Variants in ZNF268 observed in about 807,000 individuals in gnomAD.
ZNF268 encodes zinc finger protein 268.
ZNF268 carries 20 observed loss-of-function variants against 29.3 expected under a neutral mutation model. The observed-to-expected ratio is 0.68, with a 90% confidence interval of 0.48 to 0.99. The LOEUF (loss-of-function observed/expected upper bound fraction) is 0.99, where lower values mean the gene tolerates loss of function less well. ZNF268 is among the 50% of genes least tolerant of loss of function. The pLI, the probability that ZNF268 is intolerant of heterozygous loss-of-function variation, is 0.00. For missense variants in ZNF268, 1,240 were observed against 1,121.6 expected (o/e 1.11, Z -1.51); for synonymous variants, 429 against 376.9 (o/e 1.14, Z -1.60).
chr12:133,194,348 G>T (rs1012401850), intron 5 of ZNF268, among the ~76,000 whole-genome samples: 1 of 152,100 alleles, frequency 6.6e-6, no homozygotes, highest in Non-Finnish European at 1.5e-5. Context: ...TCCTGAAGTG[G>T]GGCAGCTCCA....
intron 2 of ZNF268, among the ~76,000 whole-genome samples, chr12:133,185,804 G>T (rs541688258): frequency 5.3e-5 from 8 of 152,200 alleles, no homozygotes; most frequent in Non-Finnish European, 7.4e-5. Flanking sequence ...ATTTTGTGTA[G>T]TGTGGTAGAA....
chr12:133,200,220 A>G (rs1397728814), intron 5 of ZNF268, among the ~76,000 whole-genome samples: 1 of 152,122 alleles, frequency 6.6e-6, no homozygotes, highest in Non-Finnish European at 1.5e-5. Context: ...AGATTCTGGT[A>G]TGTTGTGTCT....
At chr12:133,200,423 T>A (rs1043137317) in intron 5 of ZNF268, among the ~76,000 whole-genome samples, 11 of 152,208 alleles carry the variant, frequency 7.2e-5, no homozygotes, top group Admixed American at 5.9e-4. Context: ...TCTTTTACAT[T>A]TGCTGAGGAG....
chr12:133,188,148 T>G, intron 3 of ZNF268, 76 bp downstream of exon 3: 6 of 1,327,608 alleles, frequency 4.5e-6, no homozygotes, highest in African/African-American at 1.5e-5. Flanking sequence ...GGGATGGAGA[T>G]CCTTAGGTCA....
rs938267912 is a variant in ZNF268 at position 133,188,250 on chromosome 12, G to T, written c.234+178G>T. On this transcript the variant is annotated intron_variant, in intron 3 of 5. Coordinates refer to ENST00000536435, the MANE Select transcript of ZNF268 (RefSeq NM_003415.3). ...CTTGGTCTGTTGCCCAGAGTGGAGC[G>T]CAGTGGTGCAATCATAACTCACTGC... 1.3e-5 allele frequency: 8 copies of T among 601,176 alleles called. No individual in the cohort carries two copies. The South Asian group carries it at 1.7e-4, about 13-fold the overall frequency. 37.2% of individuals were successfully genotyped at this position (601,176 alleles called of 1,614,324 possible). A position where few individuals can be genotyped will look rare whatever the true frequency, so the allele number is the denominator to read the frequency against.
chr12:133,198,422 T>G (rs1289071684), intron 5 of ZNF268, among the ~76,000 whole-genome samples: 4 of 149,638 alleles, frequency 2.7e-5, no homozygotes, highest in African/African-American at 4.9e-5. Context: ...GTACCATGCT[T>G]TTTTGGTTAC....
rs1957024133 is a variant in ZNF268 at position 133,214,146 on chromosome 12, A to G, written c.*9616A>G. The G allele has an allele frequency of 6.6e-6, 1 of 152,214 alleles. No homozygotes were observed. The highest frequency in any genetic ancestry group is 2.1e-4 in the South Asian group (1 of 4,832). The allele number at this position is 152,214 out of a possible 1,614,324, so 9.4% of individuals were successfully genotyped here. A position where few individuals can be genotyped will look rare whatever the true frequency, so the allele number is the denominator to read the frequency against. On this transcript the variant is annotated 3_prime_UTR_variant, in exon 6 of 6. Coordinates refer to ENST00000536435, the MANE Select transcript of ZNF268 (RefSeq NM_003415.3). ...GAGGACTTGAAGAGACTTTTCTGTA[A>G]AGAAGATATGCAAATAGCATATGAA...
chr12:133,181,782 T>C, intron 1 of ZNF268, 96 bp downstream of exon 1: 1 of 593,234 alleles, frequency 1.7e-6, no homozygotes, highest in Non-Finnish European at 3.0e-6. Context: ...TGCCTGACCC[T>C]AACCTGTGTG....
chr12:133,203,843 A>G lies in ZNF268; in HGVS notation c.2157A>G (p.Thr719=), dbSNP rs1305537144. Residue 719 remains threonine, a synonymous_variant, in exon 6 of 6, where the codon ACA becomes ACG. Coordinates refer to ENST00000536435, the MANE Select transcript of ZNF268 (RefSeq NM_003415.3). ...TTATTATACATATGAGAACTCATAC[A>G]GGAGAGAAACCACATGAGTGCAGGG... The part of the protein sequence containing the change: ...SYLIIHMRTH[T]GEKPHECREC... 4 of 1,565,206 alleles carry G rather than the reference A, an allele frequency of 2.6e-6. No homozygotes were observed. Among genetic ancestry groups the G allele is most frequent in the South Asian group, 1.2e-5 (1 of 86,874 alleles).
In ZNF268 at chr12:133,203,427, GAGAAGCCTTATGAAT is replaced by G; in HGVS notation, c.1742_1756del (p.Glu581_Cys586delinsGly). 6.5e-7 allele frequency: 1 copy of G among 1,543,822 alleles called. No individual in the cohort carries two copies. Among genetic ancestry groups the G allele is most frequent in the South Asian group, 1.2e-5 (1 of 84,390 alleles). The stretch of plus-strand genomic sequence containing the variant: ...TTCACACCAGAGAACTCATGCAGGA[GAGAAGCCTTATGAAT>G]GCACCGACTGTGGAAAGGCTTTTGG... On this transcript the variant is annotated inframe_deletion, in exon 6 of 6. Transcript: ENST00000536435.
intron 3 of ZNF268, 130 bp downstream of exon 3, chr12:133,188,202 C>A (rs533675513): frequency 4.2e-5 from 37 of 873,728 alleles, no homozygotes; most frequent in East Asian, 4.0e-4. Context: ...AAAACCCCCC[C>A]ACTTTTTTTT....
rs1252168564 is a variant in ZNF268, at chr12:133,207,533, G to C, written c.*3003G>C. On this transcript the variant is annotated 3_prime_UTR_variant, in exon 6 of 6. Coordinates refer to ENST00000536435, the MANE Select transcript of ZNF268 (RefSeq NM_003415.3). ...CTTAAAAAGAGATATATGGGGCCAG[G>C]CACGGTGGCTCACACCTATAATCCC... 1 of 152,194 alleles carries C rather than the reference G, an allele frequency of 6.6e-6. No individual in the cohort carries two copies. The highest frequency in any genetic ancestry group is 1.5e-5 in the Non-Finnish European group (1 of 68,042). 9.4% of individuals were successfully genotyped at this position (152,194 alleles called of 1,614,324 possible). A position where few individuals can be genotyped will look rare whatever the true frequency, so the allele number is the denominator to read the frequency against.
At chr12:133,192,107 CTTTTT>C (rs200581552) in intron 5 of ZNF268, 104 bp downstream of exon 5, 525 of 532,126 alleles carry the variant, frequency 9.9e-4, no homozygotes, top group South Asian at 1.5e-3. Context: ...TTACCATGCA[CTTTTT>C]TTTTTTTTTT....
In ZNF268 at chr12:133,210,664, G is replaced by T. The variant is rs951922884; in HGVS notation, c.*6134G>T. The stretch of plus-strand genomic sequence containing the variant: ...GCCCTCGGGGGTCTCCGGGTCCTGA[G>T]TAGAAGCAAGGTCTGTTTGTCACTG... On this transcript the variant is annotated 3_prime_UTR_variant, in exon 6 of 6. Coordinates refer to ENST00000536435, the MANE Select transcript of ZNF268 (RefSeq NM_003415.3). 2.8e-6 allele frequency: 1 copy of T among 360,472 alleles called. No individual in the cohort carries two copies. The highest frequency in any genetic ancestry group is 3.5e-5 in the Admixed American group (1 of 28,188). The allele number at this position is 360,472 out of a possible 1,614,324, so 22.3% of individuals were successfully genotyped here. A position where few individuals can be genotyped will look rare whatever the true frequency, so the allele number is the denominator to read the frequency against.
intron 5 of ZNF268, among the ~76,000 whole-genome samples, chr12:133,199,989 CATT>C (rs746183450): frequency 3.3e-5 from 5 of 152,136 alleles, no homozygotes; most frequent in Non-Finnish European, 7.4e-5. Flanking sequence ...CTCCTGGATT[CATT>C]AATTTTTTTG....
intron 2 of ZNF268, among the ~76,000 whole-genome samples, chr12:133,184,912 G>C (rs970039602): frequency 6.6e-6 from 1 of 152,188 alleles, no homozygotes; most frequent in African/African-American, 2.4e-5. Flanking sequence ...GGCTGTGTGT[G>C]GTGGGTCACG....
intron 5 of ZNF268, among the ~76,000 whole-genome samples, chr12:133,201,431 T>TTGAGACC (rs1394916640): frequency 6.6e-6 from 1 of 152,094 alleles, no homozygotes; most frequent in African/African-American, 2.4e-5. Flanking sequence ...GATACAAACA[T>TTGAGACC]TGAGACCTGT....
chr12:133,182,899 A>G lies in ZNF268; in HGVS notation c.33+869A>G, dbSNP rs75374555. Among the ~76,000 whole-genome samples the G allele has an allele frequency of 4.1e-4, 63 of 152,302 alleles. No homozygotes were observed. The East Asian group carries it at 0.012, about 28-fold the overall frequency. ...AAACTTGGATTGTATCACATAGGGC[A>G]GGTGGTCCCCAACCCCCACGCTTCA... On this transcript the variant is annotated intron_variant, in intron 2 of 5. Coordinates refer to ENST00000536435, the MANE Select transcript of ZNF268 (RefSeq NM_003415.3).
intron 5 of ZNF268, among the ~76,000 whole-genome samples, chr12:133,199,914 ATTC>A (rs1423000094): frequency 4.6e-5 from 7 of 151,488 alleles, no homozygotes; most frequent in Non-Finnish European, 8.8e-5. Context: ...CGTCTATTTT[ATTC>A]TTCTCTTTTT....
Sources: gnomAD v4.1 joint callset for allele counts (sites outside exome capture counted in the v4.1 genomes callset) on GRCh38, gnomAD v4.1.1 for gene constraint, MANE v1.5 for transcripts, NCBI Gene and HGNC (gene_info 2026-07-23, HGNC 2026-07-21) for gene names.